Variants in DAB1 observed in about 807,000 individuals in gnomAD.
DAB1 encodes DAB adaptor protein 1, also known as disabled homolog 1.
DAB1 carries 15 observed loss-of-function variants against 64.6 expected under a neutral mutation model. The ratio of observed to expected loss-of-function variants is 0.23; its 90% CI spans 0.16 to 0.36. The LOEUF is 0.36. Among genes scored for constraint, DAB1 ranks in the 10% least tolerant of loss-of-function variants. The pLI, the probability that DAB1 is intolerant of heterozygous loss-of-function variation, is 1.00. For missense variants in DAB1, 596 were observed against 706.7 expected, an observed-to-expected ratio of 0.84 and a Z score of 1.78; for synonymous variants, 235 against 251.9, an observed-to-expected ratio of 0.93 and a Z score of 0.64.
intron 7 of DAB1, among the ~76,000 whole-genome samples, chr1:57,461,942 T>TA (rs1686796069): frequency 7.3e-6 from 1 of 137,242 alleles, no homozygotes; most frequent in Admixed American, 7.3e-5. Context: ...TAAGATATAC[T>TA]CTTTTTTTTT....
intron 2 of DAB1, among the ~76,000 whole-genome samples, chr1:57,179,304 A>T (rs1248751236): frequency 6.6e-6 from 1 of 152,198 alleles, no homozygotes; most frequent in East Asian, 1.9e-4. Flanking sequence ...TGGTGGATCA[A>T]CGCCTAAAGC....
At chr1:57,881,007 A>C (rs140332089) in intron 1 of DAB1, 7 of 152,232 alleles carry the variant, frequency 4.6e-5, no homozygotes, top group Non-Finnish European at 8.8e-5. Context: ...GAGTTGGAGC[A>C]TAAGTTGCTT....
chr1:57,449,274 T>C (rs765645329), intron 7 of DAB1, among the ~76,000 whole-genome samples: 6 of 151,910 alleles, frequency 3.9e-5, no homozygotes, highest in Non-Finnish European at 8.8e-5. Context: ...GACATTGAAA[T>C]AGTGACAAAA....
At chr1:57,527,865 C>A (rs1276162027) in intron 7 of DAB1, among the ~76,000 whole-genome samples, 1 of 152,068 alleles carries the variant, frequency 6.6e-6, no homozygotes, top group Non-Finnish European at 1.5e-5. Flanking sequence ...GGATGATCCC[C>A]AAATACAAAC....
At position 58,545,483 on chromosome 1, in the gene DAB1, C is replaced by T. The variant is rs1334625060; in HGVS notation, n.32+1220G>A. The stretch of plus-strand genomic sequence containing the variant: ...ATCTATTCATGCATTTTCAAGGAGC[C>T]AATCACTAGACTACAGAGCACATAA... On this transcript the variant is annotated intron_variant and non_coding_transcript_variant, in intron 1 of 20. Coordinates refer to the DAB1 transcript ENST00000485760. 5.4e-5 allele frequency among the ~76,000 whole-genome samples: 8 copies of T among 149,260 alleles called. No homozygotes were observed. In the South Asian group the frequency reaches 1.8e-3, roughly 33 times the overall value.
intron 5 of DAB1, among the ~76,000 whole-genome samples, chr1:57,995,984 C>T (rs142011265): frequency 5.3e-5 from 8 of 152,204 alleles, no homozygotes; most frequent in African/African-American, 1.9e-4. Flanking sequence ...ATAGTCTGGG[C>T]GCGGTGGCTC....
chr1:58,262,699 G>A (rs12239679), intron 4 of DAB1, among the ~76,000 whole-genome samples: 2,295 of 152,258 alleles, frequency 0.015, 57 homozygotes, highest in African/African-American at 0.052. Flanking sequence ...CTGTTAATGA[G>A]TATTTGATTT....
At position 57,421,770 on chromosome 1, in the gene DAB1, G is replaced by T. The variant is rs188738457; in HGVS notation, c.-137+2160C>A. ...TCAGCAGACAATTTCTGATTGCTTA[G>T]AAGTTGACTTTTATACAGCTTTGAT... is the stretch of plus-strand genomic sequence containing the variant. On this transcript the variant is annotated intron_variant, in intron 1 of 14. Transcript: ENST00000371236. Among the ~76,000 whole-genome samples the T allele has an allele frequency of 4.1e-3, 630 of 152,094 alleles. 2 individuals carry two copies. Among genetic ancestry groups the T allele is most frequent in the Middle Eastern group, 0.01 (3 of 294 alleles).
At chr1:57,788,401 T>C (rs886867601) in intron 6 of DAB1, among the ~76,000 whole-genome samples, 4 of 152,204 alleles carry the variant, frequency 2.6e-5, no homozygotes, top group Non-Finnish European at 5.9e-5. Context: ...AAAATCATTA[T>C]GCTAAGTGAA....
chr1:57,394,729 G>A (rs1682665574), intron 1 of DAB1, among the ~76,000 whole-genome samples: 1 of 152,186 alleles, frequency 6.6e-6, no homozygotes, highest in Non-Finnish European at 1.5e-5. Context: ...ATTTTTAAAT[G>A]TCAAACATAC....
rs1388749764 is a variant in DAB1, at chr1:56,996,167, T to A, written c.*1977A>T. 1 of 152,236 alleles carries A rather than the reference T, an allele frequency of 6.6e-6. No individual in the cohort carries two copies. The allele number at this position is 152,236 out of a possible 1,614,324, so 9.4% of individuals were successfully genotyped here. ...AGTATACAATCATTTTTCAAATGAA[T>A]CTCCCAAATCATTTTAGTTTCTATT... On this transcript the variant is annotated 3_prime_UTR_variant, in exon 15 of 15. Transcript: ENST00000371236.
chr1:57,077,324 A>G (rs1557678526), intron 4 of DAB1, among the ~76,000 whole-genome samples: 1 of 152,134 alleles, frequency 6.6e-6, no homozygotes, highest in Non-Finnish European at 1.5e-5. Context: ...GTTCTTCTCA[A>G]TCTTACCCCC....
intron 4 of DAB1, among the ~76,000 whole-genome samples, chr1:58,317,303 G>T (rs916632309): frequency 2.6e-5 from 4 of 152,232 alleles, no homozygotes; most frequent in Admixed American, 2.6e-4. Flanking sequence ...TGACCCTCAA[G>T]ATCTCACGCC....
intron 7 of DAB1, among the ~76,000 whole-genome samples, chr1:57,493,010 C>T (rs1644183395): frequency 6.6e-6 from 1 of 152,094 alleles, no homozygotes; most frequent in Admixed American, 6.5e-5. Context: ...CTCTTCTATG[C>T]CCCTATGCTA....
chr1:57,069,667 C>T (rs1486674374), intron 7 of DAB1, among the ~76,000 whole-genome samples: 1 of 152,186 alleles, frequency 6.6e-6, no homozygotes, highest in Non-Finnish European at 1.5e-5. Context: ...CGAGCCTCTG[C>T]AGATCTTTCT....
Position 57,889,900 on chromosome 1 carries a change from G to C in DAB1, n.388-5738C>G, listed in dbSNP as rs531562458. On this transcript the variant is annotated intron_variant and non_coding_transcript_variant, in intron 5 of 20. Coordinates refer to the DAB1 transcript ENST00000485760. The stretch of plus-strand genomic sequence containing the variant: ...CGCAGATGGTAGCACAAACTGGGGC[G>C]GGGGGGGGGGAGGGGGAAGAAATCA... Among the ~76,000 whole-genome samples the C allele has an allele frequency of 4.5e-3, 270 of 60,568 alleles. 12 individuals carry two copies. Among genetic ancestry groups the C allele is most frequent in the Non-Finnish European group, 7.1e-3 (203 of 28,632 alleles). The allele number at this position is 60,568 out of a possible 152,430, so 39.7% of individuals were successfully genotyped here. A position where few individuals can be genotyped will look rare whatever the true frequency, so the allele number is the denominator to read the frequency against.
At chr1:57,622,069 T>C (rs1645866618) in intron 7 of DAB1, among the ~76,000 whole-genome samples, 1 of 152,168 alleles carries the variant, frequency 6.6e-6, no homozygotes, top group Non-Finnish European at 1.5e-5. Context: ...TACTCGACTA[T>C]TAAAGAAACA....
At chr1:57,975,195 C>T (rs1645890605) in intron 5 of DAB1, among the ~76,000 whole-genome samples, 1 of 152,144 alleles carries the variant, frequency 6.6e-6, no homozygotes, top group Non-Finnish European at 1.5e-5. Context: ...TGAGTCCTCA[C>T]CAGACACTAG....
chr1:58,387,738 T>C (rs1644445522), intron 3 of DAB1, among the ~76,000 whole-genome samples: 1 of 146,384 alleles, frequency 6.8e-6, no homozygotes, highest in Non-Finnish European at 1.5e-5. Context: ...TTTTTTTTTT[T>C]TTTTGAGACA....
Sources: allele counts gnomAD v4.1 joint callset (sites outside exome capture counted in the v4.1 genomes callset), GRCh38; gene constraint gnomAD v4.1.1; transcripts MANE v1.5; gene names NCBI Gene and HGNC (gene_info 2026-07-23, HGNC 2026-07-21).